The following ESR1 variants were observed in gnomAD, a reference collection of about 807,000 sequenced individuals.
The protein encoded by ESR1 is estrogen receptor 1, also known as estrogen receptor.
ESR1 carries 12 observed loss-of-function variants against 52.7 expected under a neutral mutation model. The ratio of observed to expected loss-of-function variants is 0.23; its 90% CI spans 0.15 to 0.37. The LOEUF (loss-of-function observed/expected upper bound fraction) is 0.37, where lower values mean the gene tolerates loss of function less well. Among genes scored for constraint, ESR1 ranks in the 10% least tolerant of loss-of-function variants. The pLI, the probability that ESR1 is intolerant of heterozygous loss-of-function variation, is 1.00. For missense variants in ESR1, 584 were observed against 779.7 expected (o/e 0.75, Z 2.99); for synonymous variants, 305 against 316.8 (o/e 0.96, Z 0.39).
chr6:151,949,784 T>C (rs571124428), intron 4 of ESR1, among the ~76,000 whole-genome samples: 12 of 152,370 alleles, frequency 7.9e-5, no homozygotes, highest in South Asian at 2.1e-4. Flanking sequence ...CATGAAACTT[T>C]GAAGCCTCAT....
At chr6:151,811,405 G>A (rs1195918987) in intron 1 of ESR1, 2 of 152,104 alleles carry the variant, frequency 1.3e-5, no homozygotes, top group Non-Finnish European at 2.9e-5. Context: ...CCTTTTTAAA[G>A]TTCTAATTAG....
At chr6:151,868,925 C>T (rs1376952841) in intron 2 of ESR1, among the ~76,000 whole-genome samples, 2 of 152,158 alleles carry the variant, frequency 1.3e-5, no homozygotes, top group East Asian at 1.9e-4. Flanking sequence ...TACAAGGGAA[C>T]GTTCAGGTGT....
intron 2 of ESR1, 64 bp downstream of exon 2, chr6:151,842,851 G>T: frequency 7.1e-7 from 1 of 1,402,268 alleles, no homozygotes; most frequent in South Asian, 1.2e-5. Flanking sequence ...GAGCCAAAGC[G>T]ACTGAGGAAG....
intron 6 of ESR1, among the ~76,000 whole-genome samples, chr6:152,089,704 G>A (rs1361098637): frequency 2.6e-5 from 4 of 152,042 alleles, no homozygotes; most frequent in Non-Finnish European, 2.9e-5. Flanking sequence ...TCAGCCTCCC[G>A]AGTAGCTGGG....
At chr6:151,883,800 T>A (rs1011202615) in intron 3 of ESR1, among the ~76,000 whole-genome samples, 2 of 151,950 alleles carry the variant, frequency 1.3e-5, no homozygotes, top group Admixed American at 1.3e-4. Flanking sequence ...CCTCTCTCCT[T>A]GGCTTGAAGA....
chr6:151,830,985 C>A (rs1269321955), intron 1 of ESR1, among the ~76,000 whole-genome samples: 1 of 152,186 alleles, frequency 6.6e-6, no homozygotes, highest in Non-Finnish European at 1.5e-5. Flanking sequence ...TTCAAACTTT[C>A]ATCAAGTCAT....
intron 5 of ESR1, 119 bp from the exon 6 acceptor site, chr6:152,060,872 T>G (rs1278144913): frequency 2.5e-6 from 2 of 803,030 alleles, no homozygotes; most frequent in Middle Eastern, 7.1e-4. Flanking sequence ...CTGATAGTTT[T>G]TTGTTAAAGA....
chr6:151,820,393 C>T (rs1397584546), intron 1 of ESR1, among the ~76,000 whole-genome samples: 1 of 152,090 alleles, frequency 6.6e-6, no homozygotes, highest in African/African-American at 2.4e-5. Context: ...CACCATGTAC[C>T]CAGGTGCCTT....
chr6:152,040,221 G>A (rs551674687), intron 5 of ESR1, among the ~76,000 whole-genome samples: 77 of 152,272 alleles, frequency 5.1e-4, no homozygotes, highest in Middle Eastern at 3.4e-3. Flanking sequence ...GCCTTGGTAC[G>A]TGGAAGTCCA....
intron 4 of ESR1, among the ~76,000 whole-genome samples, chr6:151,982,743 T>G (rs1365545845): frequency 6.6e-6 from 1 of 151,988 alleles, no homozygotes; most frequent in Non-Finnish European, 1.5e-5. Flanking sequence ...TAATAATATA[T>G]TCATTTAGTC....
chr6:152,098,982 C>T lies in ESR1; in HGVS notation c.*16C>T, dbSNP rs376656274. ...CACGGTCTGAGAGCTCCCTGGCTCC[C>T]ACACGGTTCAGATAATCCCTGCTGC... On this transcript the variant is annotated 3_prime_UTR_variant, in exon 8 of 8. Transcript: ENST00000206249. This position sits in a 1 kb window ranked among gnomAD's most constrained non-coding sequence, Gnocchi z 5.1. 3.7e-6 allele frequency: 6 copies of T among 1,600,032 alleles called. No individual in the cohort carries two copies. The highest frequency in any genetic ancestry group is 4.5e-5 in the East Asian group (2 of 44,810).
chr6:151,661,273 G>T (rs1050494073), intron 1 of ESR1, among the ~76,000 whole-genome samples: 1 of 152,180 alleles, frequency 6.6e-6, no homozygotes, highest in Non-Finnish European at 1.5e-5. Context: ...GTAGTATTTT[G>T]ATATCCAGGA....
chr6:152,041,987 A>T (rs1288590437), intron 5 of ESR1, among the ~76,000 whole-genome samples: 1 of 152,186 alleles, frequency 6.6e-6, no homozygotes, highest in East Asian at 1.9e-4. Context: ...ATCCACTGTC[A>T]TTTTACAAGA....
intron 5 of ESR1, among the ~76,000 whole-genome samples, chr6:152,034,285 C>T (rs1180604579): frequency 1.3e-4 from 9 of 69,686 alleles, no homozygotes. Flanking sequence ...ACTTAAAGTA[C>T]AATAAAAATA....
At chr6:152,117,907 G>A (rs567738995) in intron 6 of ESR1, among the ~76,000 whole-genome samples, 4 of 152,224 alleles carry the variant, frequency 2.6e-5, no homozygotes, top group African/African-American at 9.6e-5. Context: ...GTGACTTTAG[G>A]TATGACAATC....
chr6:151,679,504 C>T (rs1778376910), intron 1 of ESR1, among the ~76,000 whole-genome samples: 1 of 152,036 alleles, frequency 6.6e-6, no homozygotes, highest in Non-Finnish European at 1.5e-5. Context: ...CGCCTTCCAC[C>T]ACACCCAGCT....
At chr6:151,998,093 T>C (rs2041648398) in intron 4 of ESR1, among the ~76,000 whole-genome samples, 1 of 152,170 alleles carries the variant, frequency 6.6e-6, no homozygotes, top group South Asian at 2.1e-4. Flanking sequence ...CTTAACAAAT[T>C]AGATATTTTC....
At chr6:151,902,187 G>A (rs1208319519) in intron 3 of ESR1, among the ~76,000 whole-genome samples, 3 of 152,104 alleles carry the variant, frequency 2.0e-5, no homozygotes, top group East Asian at 1.9e-4. Flanking sequence ...AGTGAAAAGA[G>A]GTCATTCACA....
intron 1 of ESR1, among the ~76,000 whole-genome samples, chr6:151,673,069 G>C (rs1481838518): frequency 6.7e-6 from 1 of 149,824 alleles, no homozygotes; most frequent in South Asian, 2.1e-4. Context: ...CTCGTGATCC[G>C]CCCGCCTCAG....
Sources: allele counts gnomAD v4.1 joint callset (sites outside exome capture counted in the v4.1 genomes callset), GRCh38; gene constraint gnomAD v4.1.1; non-coding constraint Gnocchi (gnomAD v3.1); transcripts MANE v1.5; gene names NCBI Gene and HGNC (gene_info 2026-07-23, HGNC 2026-07-21).